The following FKBP5 variants were observed in gnomAD, a reference collection of about 807,000 sequenced individuals.
FKBP5 encodes FKBP prolyl isomerase 5.
In FKBP5, 23 loss-of-function variants were observed where a neutral mutation model predicts 50.5. The ratio of observed to expected loss-of-function variants is 0.46; its 90% CI spans 0.33 to 0.65. The LOEUF is 0.65. Among genes scored for constraint, FKBP5 ranks in the 30% least tolerant of loss-of-function variants. The pLI, the probability that FKBP5 is intolerant of heterozygous loss-of-function variation, is 0.02. For synonymous variants in FKBP5, 176 were observed against 190.6 expected (o/e 0.92, Z 0.63); for missense variants, 411 against 553.1 (o/e 0.74, Z 2.58).
Position 35,659,997 on chromosome 6 carries a change from A to G in FKBP5, c.-19-17154T>C, listed in dbSNP as rs1445087482. Among the ~76,000 whole-genome samples the G allele has an allele frequency of 4.4e-5, 3 of 67,824 alleles. 1 individual carries two copies. The highest frequency in any genetic ancestry group is 1.9e-4 in the African/African-American group (3 of 15,482). 44.5% of individuals were successfully genotyped at this position (67,824 alleles called of 152,430 possible). A position where few individuals can be genotyped will look rare whatever the true frequency, so the allele number is the denominator to read the frequency against. ...GATTTGTGATTTTACTTCTTACCCA[A>G]TATAGACATTTAGTGCTATGAATTT... On this transcript the variant is annotated intron_variant, in intron 1 of 10. Transcript: ENST00000357266.
rs376121660 is a variant in FKBP5 at position 35,575,542 on chromosome 6, CT to C, written c.*292del. 1,525 of 339,350 alleles carry C rather than the reference CT, an allele frequency of 4.5e-3. 15 individuals carry two copies. The highest frequency in any genetic ancestry group is 0.024 in the African/African-American group (1,187 of 49,194). The allele number at this position is 339,350 out of a possible 1,614,324, so 21.0% of individuals were successfully genotyped here. A position where few individuals can be genotyped will look rare whatever the true frequency, so the allele number is the denominator to read the frequency against. ...ATCTCCAGGGACCCTGAATTGGATA[CT>C]TGAAGGTTGATAGAAACTGAAATGA... On this transcript the variant is annotated 3_prime_UTR_variant, in exon 11 of 11. Coordinates refer to ENST00000357266, the MANE Select transcript of FKBP5 (RefSeq NM_004117.4).
chr6:35,665,350 C>T (rs1262178220), intron 1 of FKBP5, among the ~76,000 whole-genome samples: 2 of 149,880 alleles, frequency 1.3e-5, no homozygotes, highest in Non-Finnish European at 2.9e-5. Flanking sequence ...TGCAGTGGCG[C>T]GATCTCGGCT....
At chr6:35,627,600 A>G (rs1342231831) in intron 3 of FKBP5, among the ~76,000 whole-genome samples, 5 of 152,132 alleles carry the variant, frequency 3.3e-5, no homozygotes, top group African/African-American at 9.7e-5. Context: ...TTGATGCACA[A>G]AAGTTTTTAA....
At chr6:35,580,904 G>A (rs1368210878) in intron 8 of FKBP5, 2 of 985,060 alleles carry the variant, frequency 2.0e-6, no homozygotes, top group South Asian at 4.7e-5. Context: ...AAAATGAAAA[G>A]GAAGTTACTT....
intron 1 of FKBP5, among the ~76,000 whole-genome samples, chr6:35,728,312 C>T (rs903237537): frequency 2.0e-5 from 3 of 151,852 alleles, no homozygotes; most frequent in Non-Finnish European, 4.4e-5. Context: ...GCGCCCCAGC[C>T]TGCCGCGCGA....
chr6:35,691,296 A>T (rs1765983088), upstream of FKBP5, among the ~76,000 whole-genome samples: 1 of 152,108 alleles, frequency 6.6e-6, no homozygotes, highest in African/African-American at 2.4e-5. Context: ...TTAGAAGATG[A>T]AGTAGGTGTT....
chr6:35,603,647 T>C (rs982229654), intron 5 of FKBP5, among the ~76,000 whole-genome samples: 3 of 152,282 alleles, frequency 2.0e-5, no homozygotes, highest in African/African-American at 7.2e-5. Flanking sequence ...AATTTTTTTT[T>C]TTTTTGTAAC....
chr6:35,663,003 A>C (rs972241434), intron 1 of FKBP5, among the ~76,000 whole-genome samples: 10 of 152,326 alleles, frequency 6.6e-5, no homozygotes, highest in Admixed American at 5.9e-4. Flanking sequence ...AGAAGATGGC[A>C]GTGTCTGAGC....
chr6:35,690,739 G>A (rs993428401), upstream of FKBP5, among the ~76,000 whole-genome samples: 1 of 152,062 alleles, frequency 6.6e-6, no homozygotes, highest in Non-Finnish European at 1.5e-5. Flanking sequence ...GGGCACAGTG[G>A]TTCACACCTG....
intron 6 of FKBP5, among the ~76,000 whole-genome samples, chr6:35,596,801 C>CTT (rs924573780): frequency 6.6e-6 from 1 of 151,090 alleles, no homozygotes; most frequent in Non-Finnish European, 1.5e-5. Flanking sequence ...GAAGAATGTG[C>CTT]TTTTTTTTTC....
At chr6:35,592,521 C>T (rs1762853183) in intron 6 of FKBP5, among the ~76,000 whole-genome samples, 1 of 152,204 alleles carries the variant, frequency 6.6e-6, no homozygotes, top group South Asian at 2.1e-4. Context: ...CTACTTTGAG[C>T]TCTTAGATGT....
At position 35,683,887 on chromosome 6, in the gene FKBP5, G is replaced by A. The variant is rs1055363488; in HGVS notation, c.-20+4917C>T. The stretch of plus-strand genomic sequence containing the variant: ...GCCCTGGCCAACATGGCAAAACCTC[G>A]TCTCTACCAAAAATACAAAAATTAG... On this transcript the variant is annotated intron_variant, in intron 1 of 10. Coordinates refer to ENST00000357266, the MANE Select transcript of FKBP5 (RefSeq NM_004117.4). Among the ~76,000 whole-genome samples, 22 of 151,808 alleles carry A rather than the reference G, an allele frequency of 1.4e-4. No individual in the cohort carries two copies. In the East Asian group the frequency reaches 3.7e-3, roughly 26 times the overall value.
chr6:35,607,988 T>TA (rs375555392), intron 5 of FKBP5: 10,690 of 116,018 alleles, frequency 0.092, 728 homozygotes, highest in African/African-American at 0.23. Context: ...AGACTTGAAA[T>TA]AAAAAAAAAA....
At chr6:35,630,415 T>C (rs547050128) in intron 3 of FKBP5, among the ~76,000 whole-genome samples, 6 of 151,588 alleles carry the variant, frequency 4.0e-5, no homozygotes, top group Admixed American at 2.0e-4. Context: ...GGCATGGTGG[T>C]GCATGCCTGT....
At chr6:35,595,832 C>G (rs377154195) in intron 6 of FKBP5, among the ~76,000 whole-genome samples, 1 of 151,830 alleles carries the variant, frequency 6.6e-6, no homozygotes, top group South Asian at 2.1e-4. Context: ...TAAGGAGTAT[C>G]TCCTAGAAAC....
At chr6:35,683,619 C>G (rs1765741962) in intron 1 of FKBP5, among the ~76,000 whole-genome samples, 1 of 148,982 alleles carries the variant, frequency 6.7e-6, no homozygotes, top group African/African-American at 2.5e-5. Flanking sequence ...GCATGCACTG[C>G]CATGACTGGC....
chr6:35,635,367 G>A (rs543299279), intron 3 of FKBP5, among the ~76,000 whole-genome samples: 4 of 152,146 alleles, frequency 2.6e-5, no homozygotes, highest in South Asian at 2.1e-4. Context: ...AGCTATTTGC[G>A]GGGCTGAGTT....
At chr6:35,662,298 A>G (rs1765089864) in intron 1 of FKBP5, among the ~76,000 whole-genome samples, 1 of 149,682 alleles carries the variant, frequency 6.7e-6, no homozygotes, top group Non-Finnish European at 1.5e-5. Flanking sequence ...TTTTTGAGAC[A>G]GAGTTTTGCT....
intron 1 of FKBP5, among the ~76,000 whole-genome samples, chr6:35,681,696 A>G (rs1010722719): frequency 6.6e-6 from 1 of 152,204 alleles, no homozygotes; most frequent in African/African-American, 2.4e-5. Context: ...AAGATTTCAC[A>G]GAAAAAAAGT....
Sources: allele counts gnomAD v4.1 joint callset (sites outside exome capture counted in the v4.1 genomes callset), GRCh38; gene constraint gnomAD v4.1.1; transcripts MANE v1.5; gene names NCBI Gene and HGNC (gene_info 2026-07-23, HGNC 2026-07-21).